GPHN: variants seen among roughly 807,000 people sequenced by gnomAD.
The protein encoded by GPHN is gephyrin.
In GPHN, 17 loss-of-function variants were observed where a neutral mutation model predicts 95.5. The ratio of observed to expected loss-of-function variants is 0.18; its 90% CI spans 0.12 to 0.27. The LOEUF is 0.27. GPHN is among the 10% of genes least tolerant of loss of function. The probability of loss-of-function intolerance (pLI) is 1.00; values close to 1 mark genes in which losing one functional copy is unlikely to be tolerated. For missense variants in GPHN, 660 were observed against 978.1 expected, an observed-to-expected ratio of 0.67 and a Z score of 4.34; for synonymous variants, 320 against 322.5, an observed-to-expected ratio of 0.99 and a Z score of 0.08.
chr14:67,598,240 G>A, the GPHN span, among the ~76,000 whole-genome samples: 1 of 152,184 alleles, frequency 6.6e-6, no homozygotes, highest in African/African-American at 2.4e-5. Flanking sequence ...TGTTGCAGTA[G>A]AGTTTAAAGG....
the GPHN span, chr14:67,189,837 A>ATTTTTTTT: frequency 1.9e-5 from 2 of 108,096 alleles, no homozygotes; most frequent in Non-Finnish European, 3.6e-5. Flanking sequence ...ATTTTTTTTA[A>ATTTTTTTT]TTTTTTTTTT....
chr14:67,026,740 T>G (rs1398364201), intron 10 of GPHN, among the ~76,000 whole-genome samples: 3 of 152,212 alleles, frequency 2.0e-5, no homozygotes, highest in Admixed American at 2.0e-4. Context: ...CCTCCCGGGT[T>G]CACGCCATTC....
chr14:67,375,710 TAATA>T, the GPHN span, among the ~76,000 whole-genome samples: 1 of 152,198 alleles, frequency 6.6e-6, no homozygotes, highest in Non-Finnish European at 1.5e-5. Flanking sequence ...AATATCTTCT[TAATA>T]AACTCTAGGA....
chr14:67,426,191 G>A, the GPHN span, among the ~76,000 whole-genome samples: 3 of 152,106 alleles, frequency 2.0e-5, no homozygotes, highest in African/African-American at 7.2e-5. Context: ...CCTGCGGAGA[G>A]ACAAGCAGAA....
At chr14:67,126,146 A>G (rs2079302090) in intron 17 of GPHN, among the ~76,000 whole-genome samples, 2 of 152,204 alleles carry the variant, frequency 1.3e-5, no homozygotes, top group African/African-American at 4.8e-5. Flanking sequence ...ATATATTAAA[A>G]TACATTTCTT....
At chr14:67,208,462 G>A in the GPHN span, 1 of 1,605,442 alleles carries the variant, frequency 6.2e-7, no homozygotes, top group Non-Finnish European at 8.5e-7. Context: ...ATGTGAGGCA[G>A]GAACATGCCA....
chr14:66,866,225 A>G (rs1331024573), intron 4 of GPHN, among the ~76,000 whole-genome samples: 1 of 152,122 alleles, frequency 6.6e-6, no homozygotes, highest in Non-Finnish European at 1.5e-5. Flanking sequence ...TTTCCTCCAT[A>G]TCTACATATC....
At chr14:67,621,717 T>C in the GPHN span, among the ~76,000 whole-genome samples, 1 of 151,238 alleles carries the variant, frequency 6.6e-6, no homozygotes, top group Non-Finnish European at 1.5e-5. Context: ...AGTGCTGAGA[T>C]TATAGGTGTG....
the GPHN span, chr14:67,557,467 C>G: frequency 6.4e-7 from 1 of 1,570,614 alleles, no homozygotes; most frequent in Non-Finnish European, 8.7e-7. Flanking sequence ...GACATCTGTA[C>G]TGCTGGCCCC....
At chr14:67,285,601 C>T in the GPHN span, among the ~76,000 whole-genome samples, 1 of 152,072 alleles carries the variant, frequency 6.6e-6, no homozygotes, top group Admixed American at 6.5e-5. Flanking sequence ...GATCTCTGAT[C>T]TCCTGATCCA....
the GPHN span, chr14:67,254,221 G>C: frequency 8.0e-6 from 1 of 125,758 alleles, no homozygotes; most frequent in Non-Finnish European, 1.5e-5. Flanking sequence ...GTTTCTTAAG[G>C]ATACGGACTC....
chr14:67,501,051 T>C, the GPHN span, among the ~76,000 whole-genome samples: 6 of 125,160 alleles, frequency 4.8e-5, no homozygotes, highest in South Asian at 6.9e-4. Context: ...GGGTTAATAA[T>C]AATAATAATA....
chr14:67,049,284 G>GT (rs1384539645), intron 10 of GPHN, among the ~76,000 whole-genome samples: 1 of 152,124 alleles, frequency 6.6e-6, no homozygotes, highest in East Asian at 1.9e-4. Context: ...CTGGAGTGCA[G>GT]TGGCACCATC....
chr14:66,770,388 C>T (rs954467880), intron 2 of GPHN, among the ~76,000 whole-genome samples: 47 of 152,152 alleles, frequency 3.1e-4, no homozygotes, highest in African/African-American at 1.1e-3. Flanking sequence ...GCATCTTTGT[C>T]ACTAACTCTG....
intron 1 of GPHN, among the ~76,000 whole-genome samples, chr14:66,666,011 A>G (rs2153380439): frequency 6.6e-6 from 1 of 151,968 alleles, no homozygotes; most frequent in East Asian, 1.9e-4. Context: ...ACAAAAAACC[A>G]AACACCGCAT....
the GPHN span, chr14:67,295,104 AGT>A: frequency 5.9e-3 from 810 of 137,558 alleles, 1 homozygote; most frequent in Middle Eastern, 0.011. Flanking sequence ...GAGATATTGA[AGT>A]GTGTGTGTGT....
rs2079099269 is a variant in GPHN, at chr14:67,123,019, AT to A, written c.1748+643del. The stretch of plus-strand genomic sequence containing the variant: ...AAAAGCAAGTCTACACTTTCTAAAC[AT>A]CCTAGTATCATGCAACACTGCTGCC... On this transcript the variant is annotated intron_variant, in intron 17 of 22. Transcript: ENST00000478722. 2.0e-5 allele frequency among the ~76,000 whole-genome samples: 3 copies of A among 152,326 alleles called. No homozygotes were observed. In the South Asian group the frequency reaches 6.2e-4, roughly 32 times the overall value.
chr14:67,237,516 T>A, the GPHN span, among the ~76,000 whole-genome samples: 1 of 151,532 alleles, frequency 6.6e-6, no homozygotes, highest in Non-Finnish European at 1.5e-5. Context: ...GAGAAGGGGG[T>A]CTTGCTGTGT....
intron 1 of GPHN, among the ~76,000 whole-genome samples, chr14:66,568,446 T>C (rs1484889946): frequency 6.6e-6 from 1 of 152,218 alleles, no homozygotes; most frequent in East Asian, 1.9e-4. Flanking sequence ...CAACATGATA[T>C]ACCGTCTATA....
Sources: allele counts gnomAD v4.1 joint callset (sites outside exome capture counted in the v4.1 genomes callset), GRCh38; gene constraint gnomAD v4.1.1; transcripts MANE v1.5; gene names NCBI Gene and HGNC (gene_info 2026-07-23, HGNC 2026-07-21).